The following CACNA1H variants were observed in gnomAD, a reference collection of about 807,000 sequenced individuals.
CACNA1H encodes voltage-dependent T-type calcium channel subunit alpha-1H.
CACNA1H carries 149 observed loss-of-function variants against 192.5 expected under a neutral mutation model. The ratio of observed to expected loss-of-function variants is 0.77; its 90% CI spans 0.68 to 0.89. The LOEUF is 0.89. Among genes scored for constraint, CACNA1H ranks in the 40% least tolerant of loss-of-function variants. CACNA1H has a pLI of 0.00. For missense variants in CACNA1H, 4,257 were observed against 3,423.5 expected, an observed-to-expected ratio of 1.24 and a Z score of -6.08; for synonymous variants, 2,202 against 1,475.2, an observed-to-expected ratio of 1.49 and a Z score of -11.29.
At chr16:1,200,116 C>G in intron 6 of CACNA1H, 140 bp from the exon 7 acceptor site, 1 of 695,850 alleles carries the variant, frequency 1.4e-6, no homozygotes. Context: ...ACCGTGCCTC[C>G]CTAACCATGA....
intron 2 of CACNA1H, among the ~76,000 whole-genome samples, chr16:1,181,401 C>G (rs959212574): frequency 2.6e-5 from 4 of 152,240 alleles, no homozygotes; most frequent in Non-Finnish European, 5.9e-5. Context: ...AGCGCTTTGA[C>G]GCCCGCGTCG....
chr16:1,220,813 C>A lies in CACNA1H; in HGVS notation c.6881C>A (p.Ala2294Asp), dbSNP rs540026021. 3.1e-6 allele frequency: 5 copies of A among 1,612,834 alleles called. No homozygotes were observed. Among genetic ancestry groups the A allele is most frequent in the Admixed American group, 1.7e-5 (1 of 60,024 alleles). ...GSHSVTPESR[A>D]SSSGAIVPLE... ...CACAGTGTGACCCCAGAATCCAGAG[C>A]TTCCTCTTCAGGGGCCATAGTGCCC... The change falls in exon 35 of 35, where the codon GCT becomes GAT. Residue 2294 changes from alanine (A) to aspartate (D), a missense_variant. Coordinates refer to ENST00000348261, the MANE Select transcript of CACNA1H (RefSeq NM_021098.3).
chr16:1,156,145 C>A (rs1962345331), intron 2 of CACNA1H, among the ~76,000 whole-genome samples: 1 of 152,152 alleles, frequency 6.6e-6, no homozygotes, highest in African/African-American at 2.4e-5. Context: ...ACGGCAGGAC[C>A]CCCCACCCTC....
intron 31 of CACNA1H, among the ~76,000 whole-genome samples, chr16:1,217,477 C>T (rs1174692483): frequency 1.3e-5 from 2 of 151,878 alleles, no homozygotes; most frequent in South Asian, 2.1e-4. Context: ...CCTTAGACGG[C>T]CCAGCCCTGC....
chr16:1,215,026 T>G lies in CACNA1H; in HGVS notation c.4984T>G (p.Phe1662Val). 7 of 1,613,082 alleles carry G rather than the reference T, an allele frequency of 4.3e-6. No homozygotes were observed. Among genetic ancestry groups the G allele is most frequent in the Non-Finnish European group, 5.9e-6 (7 of 1,179,566 alleles). The part of the protein sequence containing the change: ...CNYVFTIVFV[F>V]EAALKLVAFG... ...CTACGTCTTCACCATCGTGTTTGTC[T>G]TCGAGGCTGCACTGAAGCTGGTAGC... The change falls in exon 28 of 35, where the codon TTC becomes GTC. Residue 1662 changes from phenylalanine (F) to valine (V), a missense_variant. Transcript: ENST00000348261.
intron 33 of CACNA1H, 111 bp from the exon 34 acceptor site, chr16:1,218,859 G>T: frequency 7.7e-7 from 1 of 1,292,654 alleles, no homozygotes; most frequent in Non-Finnish European, 1.1e-6. Flanking sequence ...GGGTCGGGCT[G>T]GGGCTGGCCA....
chr16:1,160,944 CG>C (rs1229134233), intron 2 of CACNA1H, among the ~76,000 whole-genome samples: 11 of 152,100 alleles, frequency 7.2e-5, no homozygotes, highest in African/African-American at 2.7e-4. Flanking sequence ...CCCCCAGCCT[CG>C]GTGCAGCCCT....
chr16:1,153,884 A>G lies in CACNA1H; in HGVS notation c.147A>G (p.Ser49=). Residue 49 remains serine, a synonymous_variant, in exon 2 of 35, where the codon TCA becomes TCG. Coordinates refer to ENST00000348261, the MANE Select transcript of CACNA1H (RefSeq NM_021098.3). ...AGCGGGGGTCCGAGCTCGGCGTGTC[A>G]CCCTCCGAGAGCCCGGCGGCCGAGC... ...EAERGSELGV[S]PSESPAAERG... 3 of 1,422,720 alleles carry G rather than the reference A, an allele frequency of 2.1e-6. No individual in the cohort carries two copies. The highest frequency in any genetic ancestry group is 3.1e-5 in the East Asian group (1 of 31,926). 88.1% of individuals were successfully genotyped at this position (1,422,720 alleles called of 1,614,324 possible). A position where few individuals can be genotyped will look rare whatever the true frequency, so the allele number is the denominator to read the frequency against.
At position 1,221,635 on chromosome 16, in the gene CACNA1H, G is replaced by C; in HGVS notation, c.*641G>C. The C allele has an allele frequency of 1.2e-6, 1 of 862,750 alleles. No individual in the cohort carries two copies. The highest frequency in any genetic ancestry group is 1.7e-6 in the Non-Finnish European group (1 of 577,898). The allele number at this position is 862,750 out of a possible 1,614,324, so 53.4% of individuals were successfully genotyped here. A position where few individuals can be genotyped will look rare whatever the true frequency, so the allele number is the denominator to read the frequency against. On this transcript the variant is annotated 3_prime_UTR_variant, in exon 35 of 35. Transcript: ENST00000348261. ...CTACATCTGGGGGCGTTGGCCGCGA[G>C]ATTCCCATTGACACCTTTGTTTCGT...
chr16:1,201,871 G>T lies in CACNA1H; in HGVS notation c.1421G>T (p.Arg474Leu). The change falls in exon 9 of 35, where the codon CGC becomes CTC. Residue 474 changes from arginine to leucine, a missense_variant. Coordinates refer to ENST00000348261, the MANE Select transcript of CACNA1H (RefSeq NM_021098.3). ...VGHIFRKVKR[R>L]SLRLYARWQS... ...CACATATTCCGCAAGGTCAAGCGGC[G>T]CAGCTTGCGCCTCTACGCCCGCTGG... is the stretch of plus-strand genomic sequence containing the variant. 1.9e-6 allele frequency: 3 copies of T among 1,555,330 alleles called. No homozygotes were observed. Among genetic ancestry groups the T allele is most frequent in the Non-Finnish European group, 2.6e-6 (3 of 1,150,028 alleles).
rs867556563 is a variant in CACNA1H at position 1,210,837 on chromosome 16, C to T, written c.4089C>T (p.Ser1363=). 2 of 1,604,672 alleles carry T rather than the reference C, an allele frequency of 1.2e-6. No individual in the cohort carries two copies. The part of the protein sequence containing the change: ...LSGEHAYLQS[S]WNLLDGLLVL... ...GCGAGCACGCCTACCTGCAGAGCAGCTGGAACCTGCTGGATGGGCTGCTGG... is the reference window on the plus strand; with the variant it reads ...GCGAGCACGCCTACCTGCAGAGCAGTTGGAACCTGCTGGATGGGCTGCTGG... Residue 1363 remains serine, a synonymous_variant, in exon 21 of 35, where the codon AGC becomes AGT. Coordinates refer to ENST00000348261, the MANE Select transcript of CACNA1H (RefSeq NM_021098.3).
rs929083218 is a variant in CACNA1H at position 1,209,319 on chromosome 16, C to T, written c.3651C>T (p.Arg1217=). ...AALPPTKCRD[R]DGQVVALPSD... ...TCCCGCCTACCAAGTGCCGCGATCGCGACGGGCAGGTGGTGGCCCTGCCCA... is the reference window on the plus strand; with the variant it reads ...TCCCGCCTACCAAGTGCCGCGATCGTGACGGGCAGGTGGTGGCCCTGCCCA... Residue 1217 remains arginine, a synonymous_variant, in exon 17 of 35, where the codon CGC becomes CGT. Coordinates refer to ENST00000348261, the MANE Select transcript of CACNA1H (RefSeq NM_021098.3). The T allele has an allele frequency of 2.1e-5, 34 of 1,597,716 alleles. No individual in the cohort carries two copies. The highest frequency in any genetic ancestry group is 2.6e-5 in the Non-Finnish European group (31 of 1,179,164).
In CACNA1H at chr16:1,212,164, G is replaced by A. The variant is rs201658430; in HGVS notation, c.4759+26G>A. ...GTAAGGCGCTCCCGGTGGCGGTGGC[G>A]GTGGCGGGTCGGTACCTGTGTGCCC... is the stretch of plus-strand genomic sequence containing the variant. On this transcript the variant is annotated intron_variant, in intron 25 of 34. Transcript: ENST00000348261. 994 of 1,590,454 alleles carry A rather than the reference G, an allele frequency of 6.2e-4. 4 individuals are homozygous for A. In the African/African-American group the frequency reaches 8.7e-3, roughly 14 times the overall value.
chr16:1,164,368 C>T (rs576446096), intron 2 of CACNA1H, among the ~76,000 whole-genome samples: 2 of 152,184 alleles, frequency 1.3e-5, no homozygotes, highest in African/African-American at 4.8e-5. Context: ...AGGTCTCACC[C>T]TGTCGCCCAG....
rs2745136 is a variant in CACNA1H at position 1,218,494 on chromosome 16, C to A, written c.5730C>A (p.Asp1910Glu). 6.4e-7 allele frequency: 1 copy of A among 1,552,170 alleles called. No homozygotes were observed. Among genetic ancestry groups the A allele is most frequent in the Admixed American group, 2.0e-5 (1 of 51,254 alleles). The change falls in exon 33 of 35, where the codon GAC (aspartate) becomes GAA (glutamate). Residue 1910 changes from aspartate (D) to glutamate (E), a missense_variant. Transcript: ENST00000348261. Reference protein sequence around the residue: ...PLPQESPGARDAPNLVARKVS... With the variant: ...PLPQESPGAREAPNLVARKVS... The stretch of plus-strand genomic sequence containing the variant: ...CCCAGGAGAGTCCGGGCGCCAGGGA[C>A]GCCCCAAACCTGGTTGCACGCAAGG...
At chr16:1,202,859 G>A (rs544358144) in intron 9 of CACNA1H, among the ~76,000 whole-genome samples, 86 of 152,232 alleles carry the variant, frequency 5.6e-4, no homozygotes, top group African/African-American at 1.9e-3. Flanking sequence ...CCCCTTCTAG[G>A]TGGGGACGCT....
chr16:1,209,789 C>T (rs967829127), intron 17 of CACNA1H, among the ~76,000 whole-genome samples: 3 of 152,200 alleles, frequency 2.0e-5, no homozygotes, highest in South Asian at 2.1e-4. Context: ...CAAGAGCACC[C>T]GCTCACCTGG....
chr16:1,201,531 C>T, intron 8 of CACNA1H, 132 bp from the exon 9 acceptor site: 12 of 1,118,654 alleles, frequency 1.1e-5, no homozygotes, highest in Non-Finnish European at 1.5e-5. Flanking sequence ...CAGCAGCCTG[C>T]CCATAGCAGG....
chr16:1,221,037 G>C lies in CACNA1H; in HGVS notation c.*43G>C, dbSNP rs60674285. ...CCCACGGCTTTGGCCCTGGGGTCTG[G>C]GGGCCCCGCTGGGGTGGAGGCCCAG... is the stretch of plus-strand genomic sequence containing the variant. On this transcript the variant is annotated 3_prime_UTR_variant, in exon 35 of 35. Transcript: ENST00000348261. 709 of 1,478,118 alleles carry C rather than the reference G, an allele frequency of 4.8e-4. 1 individual carries two copies. In the African/African-American group the frequency reaches 8.1e-3, roughly 17 times the overall value. 91.6% of individuals were successfully genotyped at this position (1,478,118 alleles called of 1,614,324 possible).
Sources: gnomAD v4.1 joint callset for allele counts (sites outside exome capture counted in the v4.1 genomes callset) on GRCh38, gnomAD v4.1.1 for gene constraint, MANE v1.5 for transcripts, NCBI Gene and HGNC (gene_info 2026-07-23, HGNC 2026-07-21) for gene names.